CPAMD8: variants seen among roughly 807,000 people sequenced by gnomAD.
CPAMD8 encodes the protein C3 and PZP like alpha-2-macroglobulin domain containing 8, also known as C3 and PZP-like alpha-2-macroglobulin domain-containing protein 8.
A neutral mutation model predicts 224.7 loss-of-function variants in CPAMD8; 146 were observed. That is an observed-to-expected ratio of 0.65 (90% CI 0.57 to 0.75). The LOEUF (loss-of-function observed/expected upper bound fraction) is 0.75, where lower values mean the gene tolerates loss of function less well. Among genes scored for constraint, CPAMD8 ranks in the 30% least tolerant of loss-of-function variants. The pLI is 0.00. For missense variants in CPAMD8, 2,301 were observed against 2,537.5 expected (o/e 0.91, Z 2.00); for synonymous variants, 966 against 1,044.6 (o/e 0.92, Z 1.45).
intron 20 of CPAMD8, among the ~76,000 whole-genome samples, chr19:16,948,649 C>A (rs962706809): frequency 2.6e-5 from 4 of 151,340 alleles, no homozygotes; most frequent in African/African-American, 4.9e-5. Flanking sequence ...GCAGAGGAAT[C>A]CTTGAACCTA....
chr19:17,012,444 C>T (rs1051312179), intron 3 of CPAMD8, among the ~76,000 whole-genome samples: 1 of 150,890 alleles, frequency 6.6e-6, no homozygotes, highest in Admixed American at 6.7e-5. Flanking sequence ...GCCTGCTGGG[C>T]GCAAGCAATC....
intron 20 of CPAMD8, among the ~76,000 whole-genome samples, chr19:16,950,793 G>GAAAAAA (rs757775739): frequency 1.1e-4 from 5 of 45,816 alleles, no homozygotes; most frequent in East Asian, 5.9e-4. Flanking sequence ...ACCCTGTCTC[G>GAAAAAA]AAAAAAAAAA....
rs1481956354 is a variant in CPAMD8, at chr19:16,893,138, T to C, written c.5628A>G (p.Leu1876=). The change falls in exon 42 of 42, where the codon TTA becomes TTG. Residue 1876 remains leucine (L), a synonymous_variant. Transcript: ENST00000443236. ...TCAAGGTGCAGGTGTTTGACATCCA[T>C]AAACCCTCCTCCCCACCACTCTGAA... is the stretch of plus-strand genomic sequence containing the variant. ...PAFQSGGEEG[L]WMSNTCTLR is the part of the protein sequence containing the mutation. 3 of 1,543,952 alleles carry C rather than the reference T, an allele frequency of 1.9e-6. No homozygotes were observed. The highest frequency in any genetic ancestry group is 2.7e-6 in the Non-Finnish European group (3 of 1,117,824).
chr19:16,896,270 C>T lies in CPAMD8; in HGVS notation c.5332G>A (p.Ala1778Thr). ...STYGDDLASV[A>T]PGPLQQDVKL... ...ACGTCCTGCTGTAAAGGCCCCGGGG[C>T]CACAGAAGCCAGGTCATCCCCGTAG... Residue 1778 changes from alanine to threonine, a missense_variant, in exon 41 of 42, where the codon GCC (alanine) becomes ACC (threonine). Transcript: ENST00000443236. 1 of 1,613,350 alleles carries T rather than the reference C, an allele frequency of 6.2e-7. No homozygotes were observed. The highest frequency in any genetic ancestry group is 1.1e-5 in the South Asian group (1 of 91,080).
intron 5 of CPAMD8, among the ~76,000 whole-genome samples, chr19:17,011,190 C>G (rs949003374): frequency 6.6e-6 from 1 of 151,822 alleles, no homozygotes; most frequent in Non-Finnish European, 1.5e-5. Context: ...GCGAGAGACT[C>G]GGTCTTGGGG....
chr19:16,973,192 T>G (rs1475613372), intron 17 of CPAMD8, among the ~76,000 whole-genome samples: 1 of 152,032 alleles, frequency 6.6e-6, no homozygotes, highest in Non-Finnish European at 1.5e-5. Flanking sequence ...TAAGAGATTT[T>G]TTTGTTTGTT....
At chr19:16,940,962 G>T (rs562780206) in intron 22 of CPAMD8, among the ~76,000 whole-genome samples, 1 of 152,128 alleles carries the variant, frequency 6.6e-6, no homozygotes, top group Non-Finnish European at 1.5e-5. Context: ...ATGGAATCTC[G>T]CTCTGTCGCC....
intron 29 of CPAMD8, among the ~76,000 whole-genome samples, 190 bp from the exon 30 acceptor site, chr19:16,907,307 C>CTTTTTTTTTTTTTTT (rs71334641): frequency 2.5e-5 from 2 of 81,078 alleles, no homozygotes; most frequent in African/African-American, 5.3e-5. Context: ...TCTTTCTTGC[C>CTTTTTTTTTTTTTTT]TTTTTTTTTT....
intron 23 of CPAMD8, among the ~76,000 whole-genome samples, chr19:16,933,216 T>C (rs2053594381): frequency 6.6e-6 from 1 of 152,156 alleles, no homozygotes; most frequent in Admixed American, 6.6e-5. Flanking sequence ...TCATGGCCAC[T>C]TTGTAGTGTA....
At position 16,925,377 on chromosome 19, in the gene CPAMD8, TG is replaced by T. The variant is rs761244107; in HGVS notation, c.3371-6del. On this transcript the variant is annotated splice_polypyrimidine_tract_variant and splice_region_variant and intron_variant, in intron 25 of 41. Coordinates refer to ENST00000443236, the MANE Select transcript of CPAMD8 (RefSeq NM_015692.5). ...GGGTTGGCCCCATGACGTCCCCTGG[TG>T]GGAAGGAGAAGAGAGTTGAGTTGGG... The T allele has an allele frequency of 1.2e-6, 2 of 1,612,498 alleles. No homozygotes were observed. Among genetic ancestry groups the T allele is most frequent in the South Asian group, 2.2e-5 (2 of 91,026 alleles).
In CPAMD8 at chr19:16,914,422, A is replaced by C. The variant is rs1599687167; in HGVS notation, c.3861+2T>G. 1 of 1,613,822 alleles carries C rather than the reference A, an allele frequency of 6.2e-7. No homozygotes were observed. The highest frequency in any genetic ancestry group is 8.5e-7 in the Non-Finnish European group (1 of 1,179,828). ...GTCTCCCCAAACCCCTTCTGTACTC[A>C]CCTCTGAGGCTGTGCCTGTTTCCAG... On this transcript the variant is annotated splice_donor_variant, in intron 29 of 41. Coordinates refer to ENST00000443236, the MANE Select transcript of CPAMD8 (RefSeq NM_015692.5). LOFTEE classifies it high-confidence loss of function.
intron 7 of CPAMD8, among the ~76,000 whole-genome samples, chr19:17,007,340 A>G (rs567573892): frequency 2.9e-4 from 44 of 152,098 alleles, no homozygotes; most frequent in African/African-American, 1.0e-3. Flanking sequence ...ATTTTAAAAA[A>G]AAAGAAGAAG....
chr19:16,899,467 G>A lies in CPAMD8; in HGVS notation c.4848+8C>T. On this transcript the variant is annotated splice_region_variant and intron_variant, in intron 37 of 41. Transcript: ENST00000443236. This position sits in a 1 kb window ranked among gnomAD's most constrained non-coding sequence, Gnocchi z 5.4. ...GAAGCCTCCTCCACCAACCCCGGCT[G>A]GTGGTACCTCATCAAAGTAGAAGAG... The A allele has an allele frequency of 7.1e-7, 1 of 1,416,978 alleles. No homozygotes were observed. Among genetic ancestry groups the A allele is most frequent in the Non-Finnish European group, 1.0e-6 (1 of 1,000,702 alleles). 87.8% of individuals were successfully genotyped at this position (1,416,978 alleles called of 1,614,324 possible).
intron 3 of CPAMD8, among the ~76,000 whole-genome samples, chr19:17,013,073 C>T (rs1056224968): frequency 1.1e-4 from 17 of 151,814 alleles, no homozygotes; most frequent in African/African-American, 4.1e-4. Flanking sequence ...CCCAGCTACT[C>T]GGGAGGCTGA....
chr19:16,900,462 GT>G (rs373342457), intron 36 of CPAMD8, among the ~76,000 whole-genome samples: 151 of 152,254 alleles, frequency 9.9e-4, no homozygotes, highest in African/African-American at 3.5e-3. Context: ...GCTGGGCGTG[GT>G]GGTGCATGCC....
intron 13 of CPAMD8, among the ~76,000 whole-genome samples, chr19:16,984,384 A>T (rs1276550944): frequency 3.3e-5 from 5 of 150,744 alleles, no homozygotes; most frequent in Admixed American, 2.6e-4. Context: ...CACACCATAT[A>T]AAAAAATTAA....
At chr19:16,981,115 G>T (rs1023075209) in intron 13 of CPAMD8, among the ~76,000 whole-genome samples, 6 of 152,020 alleles carry the variant, frequency 3.9e-5, no homozygotes, top group Admixed American at 3.3e-4. Flanking sequence ...CACTTTGGGG[G>T]GCTGAAGCGG....
intron 23 of CPAMD8, among the ~76,000 whole-genome samples, chr19:16,932,182 T>C (rs1281045388): frequency 6.6e-6 from 1 of 152,028 alleles, no homozygotes; most frequent in Non-Finnish European, 1.5e-5. Flanking sequence ...CTAATTCCAA[T>C]ACTTTGAGGG....
intron 22 of CPAMD8, among the ~76,000 whole-genome samples, chr19:16,942,358 A>C (rs1213399812): frequency 6.6e-6 from 1 of 152,098 alleles, no homozygotes; most frequent in Non-Finnish European, 1.5e-5. Context: ...GCTACTCAGG[A>C]GGCTGAGAAA....
Sources: allele counts gnomAD v4.1 joint callset (sites outside exome capture counted in the v4.1 genomes callset), GRCh38; gene constraint gnomAD v4.1.1; non-coding constraint Gnocchi (gnomAD v3.1); transcripts MANE v1.5; gene names NCBI Gene and HGNC (gene_info 2026-07-23, HGNC 2026-07-21).